ROBO1: variants seen among roughly 807,000 people sequenced by gnomAD.
The protein encoded by ROBO1 is roundabout homolog 1.
Under a neutral mutation model 195.9 loss-of-function variants are expected in ROBO1, and 149 were observed. The observed-to-expected ratio is 0.76, with a 90% CI of 0.67 to 0.87. The LOEUF (loss-of-function observed/expected upper bound fraction) is 0.87, where lower values mean the gene tolerates loss of function less well. ROBO1 is among the 40% of genes least tolerant of loss of function. The probability of loss-of-function intolerance (pLI) is 0.00; values close to 1 mark genes in which losing one functional copy is unlikely to be tolerated. For missense variants in ROBO1, 1,933 were observed against 2,068.3 expected (o/e 0.93, Z 1.27); for synonymous variants, 816 against 733.2 (o/e 1.11, Z -1.82).
chr3:79,681,976 T>C (rs1946962593), intron 1 of ROBO1, among the ~76,000 whole-genome samples: 1 of 152,028 alleles, frequency 6.6e-6, no homozygotes, highest in Admixed American at 6.6e-5. Flanking sequence ...CATCCTAACA[T>C]TATTTTAAAA....
At chr3:78,778,081 A>G (rs927442793) in intron 4 of ROBO1, among the ~76,000 whole-genome samples, 3 of 152,108 alleles carry the variant, frequency 2.0e-5, no homozygotes, top group African/African-American at 4.8e-5. Flanking sequence ...TTCTGCATCT[A>G]TTGAGATAAT....
intron 1 of ROBO1, among the ~76,000 whole-genome samples, chr3:79,593,908 C>A (rs986902100): frequency 4.6e-5 from 7 of 152,066 alleles, no homozygotes; most frequent in South Asian, 2.1e-4. Context: ...TGAGCCACTG[C>A]ACCTGGCCTT....
intron 2 of ROBO1, among the ~76,000 whole-genome samples, chr3:79,419,132 G>A (rs974037826): frequency 2.6e-5 from 4 of 152,166 alleles, no homozygotes; most frequent in African/African-American, 9.6e-5. Context: ...GATTTGAGGA[G>A]TATGGAGTTG....
intron 3 of ROBO1, among the ~76,000 whole-genome samples, chr3:79,034,936 C>T (rs965364726): frequency 6.6e-6 from 1 of 151,946 alleles, no homozygotes; most frequent in Non-Finnish European, 1.5e-5. Flanking sequence ...GTTGGTGAAA[C>T]AGACAATAAA....
At chr3:79,531,177 TTTG>T (rs1300608597) in intron 2 of ROBO1, among the ~76,000 whole-genome samples, 8 of 152,178 alleles carry the variant, frequency 5.3e-5, no homozygotes, top group Admixed American at 2.0e-4. Context: ...ATTTGAGTGA[TTTG>T]TTGATTAATT....
intron 3 of ROBO1, among the ~76,000 whole-genome samples, chr3:78,972,464 A>C (rs892475536): frequency 6.6e-6 from 1 of 152,234 alleles, no homozygotes; most frequent in African/African-American, 2.4e-5. Flanking sequence ...ATGATATTAC[A>C]ATTTGAAAAC....
intron 4 of ROBO1, among the ~76,000 whole-genome samples, chr3:78,790,310 T>C (rs1195687750): frequency 6.6e-6 from 1 of 152,100 alleles, no homozygotes; most frequent in East Asian, 1.9e-4. Context: ...GCTTTCATTA[T>C]TTTTTATTTT....
At chr3:79,602,009 C>T (rs1037078593) in intron 1 of ROBO1, among the ~76,000 whole-genome samples, 1 of 151,848 alleles carries the variant, frequency 6.6e-6, no homozygotes, top group South Asian at 2.1e-4. Flanking sequence ...ATTTCTAAGC[C>T]ATGAGTAGAT....
At chr3:79,241,131 T>C (rs1436115634) in intron 2 of ROBO1, among the ~76,000 whole-genome samples, 1 of 152,218 alleles carries the variant, frequency 6.6e-6, no homozygotes, top group African/African-American at 2.4e-5. Flanking sequence ...AATGATCTCA[T>C]TGTTTCCAAA....
intron 2 of ROBO1, among the ~76,000 whole-genome samples, chr3:79,556,712 C>A (rs559717218): frequency 1.3e-5 from 2 of 151,960 alleles, no homozygotes; most frequent in South Asian, 2.1e-4. Context: ...AAAACACTAT[C>A]ATTTCATCAT....
At chr3:78,723,533 C>A (rs895351058) in intron 5 of ROBO1, among the ~76,000 whole-genome samples, 8 of 152,084 alleles carry the variant, frequency 5.3e-5, no homozygotes, top group African/African-American at 1.9e-4. Context: ...AAATTTTAGG[C>A]TTTATAGATC....
chr3:79,470,594 T>C (rs1434870748), intron 2 of ROBO1, among the ~76,000 whole-genome samples: 2 of 152,112 alleles, frequency 1.3e-5, no homozygotes, highest in South Asian at 4.1e-4. Context: ...ATTGTAATAA[T>C]CCCCATGTGT....
At position 78,838,503 on chromosome 3, in the gene ROBO1, C is replaced by T. The variant is rs79295861; in HGVS notation, c.500-91603G>A. 7.8e-4 allele frequency among the ~76,000 whole-genome samples: 119 copies of T among 152,248 alleles called. 1 individual carries two copies. The highest frequency in any genetic ancestry group is 1.0e-3 in the Non-Finnish European group (68 of 68,018). On this transcript the variant is annotated intron_variant, in intron 4 of 30. Coordinates refer to ENST00000464233, the MANE Select transcript of ROBO1 (RefSeq NM_002941.4). ...AAGTTGAAGACTGGGCATCTGGTGA[C>T]GGCCTCAGGCTGCTCCCACTCATGG...
At chr3:79,516,940 C>A (rs1205123241) in intron 2 of ROBO1, among the ~76,000 whole-genome samples, 1 of 152,198 alleles carries the variant, frequency 6.6e-6, no homozygotes, top group Admixed American at 6.5e-5. Context: ...CCCGTAAGCA[C>A]ATGAGAGTAG....
chr3:79,696,175 A>T (rs72631229), intron 1 of ROBO1, among the ~76,000 whole-genome samples: 3,197 of 151,448 alleles, frequency 0.021, 66 homozygotes, highest in East Asian at 0.11. Flanking sequence ...GTAGCCTGCA[A>T]CTTTTCCTCC....
At chr3:78,748,459 A>G (rs1576079417) in intron 4 of ROBO1, among the ~76,000 whole-genome samples, 1 of 140,502 alleles carries the variant, frequency 7.1e-6, no homozygotes, top group African/African-American at 3.0e-5. Context: ...ATAAATAAAT[A>G]AATAAATAAA....
chr3:78,938,377 G>A (rs2039934460), intron 4 of ROBO1: 1 of 461,616 alleles, frequency 2.2e-6, no homozygotes, highest in Non-Finnish European at 3.8e-6. Context: ...CCAATCAAAA[G>A]TCAAATTGTT....
At chr3:79,090,094 C>CA (rs1348290191) in intron 3 of ROBO1, among the ~76,000 whole-genome samples, 1 of 152,014 alleles carries the variant, frequency 6.6e-6, no homozygotes, top group Non-Finnish European at 1.5e-5. Flanking sequence ...CATGCACCAC[C>CA]ATGCCCAGCT....
chr3:79,285,201 T>C (rs2031812302), intron 2 of ROBO1, among the ~76,000 whole-genome samples: 1 of 152,270 alleles, frequency 6.6e-6, no homozygotes, highest in East Asian at 1.9e-4. Flanking sequence ...TCAGAGGTAA[T>C]GTTTTGGCTA....
Sources: allele counts gnomAD v4.1 joint callset (sites outside exome capture counted in the v4.1 genomes callset), GRCh38; gene constraint gnomAD v4.1.1; transcripts MANE v1.5; gene names NCBI Gene and HGNC (gene_info 2026-07-23, HGNC 2026-07-21).